Variants in UNC5D observed in about 807,000 individuals in gnomAD.
The protein encoded by UNC5D is unc-5 netrin receptor D, also known as netrin receptor UNC5D.
Under a neutral mutation model 105.4 loss-of-function variants are expected in UNC5D, and 39 were observed. That is an observed-to-expected ratio of 0.37 (90% CI 0.29 to 0.48). The LOEUF (loss-of-function observed/expected upper bound fraction) is 0.48. Among genes scored for constraint, UNC5D ranks in the 20% least tolerant of loss-of-function variants. The pLI, the probability that UNC5D is intolerant of heterozygous loss-of-function variation, is 0.98. For missense variants in UNC5D, 991 were observed against 1,202.4 expected, an observed-to-expected ratio of 0.82 and a Z score of 2.60; for synonymous variants, 452 against 450.4, an observed-to-expected ratio of 1.00 and a Z score of -0.04.
intron 4 of UNC5D, among the ~76,000 whole-genome samples, chr8:35,638,546 G>T (rs1047097407): frequency 6.6e-6 from 1 of 151,940 alleles, no homozygotes; most frequent in South Asian, 2.1e-4. Context: ...TGTAATCCTA[G>T]TGCCTTAGGA....
intron 4 of UNC5D, among the ~76,000 whole-genome samples, chr8:35,663,019 G>T (rs1275211879): frequency 3.3e-5 from 5 of 152,198 alleles, no homozygotes; most frequent in African/African-American, 4.8e-5. Context: ...AGGTAGAACA[G>T]TTTCATCCTG....
intron 3 of UNC5D, among the ~76,000 whole-genome samples, chr8:35,572,229 A>C (rs1029897815): frequency 2.3e-5 from 3 of 129,488 alleles, no homozygotes; most frequent in African/African-American, 8.6e-5. Flanking sequence ...TGGAGGTTGT[A>C]GTGAGCTGAG....
intron 4 of UNC5D, among the ~76,000 whole-genome samples, chr8:35,659,983 T>C (rs1156686291): frequency 1.3e-5 from 2 of 152,198 alleles, no homozygotes; most frequent in Non-Finnish European, 1.5e-5. Context: ...GGATATGATT[T>C]AAGGAAGAGT....
At chr8:35,318,363 CA>C (rs1211009169) in intron 1 of UNC5D, among the ~76,000 whole-genome samples, 1 of 151,194 alleles carries the variant, frequency 6.6e-6, no homozygotes, top group African/African-American at 2.4e-5. Context: ...TTGTAAGCAG[CA>C]AAAAAAAGTG....
chr8:35,732,328 G>A (rs892234092), intron 11 of UNC5D, among the ~76,000 whole-genome samples: 1 of 152,110 alleles, frequency 6.6e-6, no homozygotes, highest in Non-Finnish European at 1.5e-5. Context: ...TGGCTCTTAG[G>A]GGATTTGTGT....
chr8:35,569,007 G>T (rs1200146818), intron 3 of UNC5D, among the ~76,000 whole-genome samples: 6 of 147,366 alleles, frequency 4.1e-5, no homozygotes, highest in African/African-American at 1.5e-4. Flanking sequence ...CTTAAAACAT[G>T]GAAATGGGTT....
chr8:35,777,186 A>G lies in UNC5D; in HGVS notation c.2657+2709A>G, dbSNP rs942016025. Among the ~76,000 whole-genome samples the G allele has an allele frequency of 3.9e-5, 6 of 152,186 alleles. No homozygotes were observed. The East Asian group carries it at 1.2e-3, about 30-fold the overall frequency. ...GGAGAATTGCTTGAACCCAGGAGGC[A>G]GAGGTTGCAGTGAGCCGAGATCGCA... On this transcript the variant is annotated intron_variant, in intron 16 of 16. Coordinates refer to ENST00000404895, the MANE Select transcript of UNC5D (RefSeq NM_080872.4).
rs1039388025 is a variant in UNC5D at position 35,513,810 on chromosome 8, T to G, written c.104-35482T>G. Among the ~76,000 whole-genome samples, 9 of 152,230 alleles carry G rather than the reference T, an allele frequency of 5.9e-5. No individual in the cohort carries two copies. In the South Asian group the frequency reaches 8.3e-4, roughly 14 times the overall value. On this transcript the variant is annotated intron_variant, in intron 1 of 16. Transcript: ENST00000404895. ...AATGGGAATGATGTGTGTATAATGG[T>G]TGTTTACCCATTAAACAGGTTCTTT...
intron 4 of UNC5D, among the ~76,000 whole-genome samples, chr8:35,622,707 AT>A (rs1821433649): frequency 1.3e-5 from 2 of 152,220 alleles, no homozygotes; most frequent in South Asian, 4.1e-4. Flanking sequence ...TGTCCACAGC[AT>A]TCCATTCACG....
intron 3 of UNC5D, among the ~76,000 whole-genome samples, chr8:35,577,419 G>C (rs924215984): frequency 1.3e-5 from 2 of 152,122 alleles, no homozygotes; most frequent in Admixed American, 1.3e-4. Context: ...TCTATTTACT[G>C]CCCCTCTATT....
Position 35,511,461 on chromosome 8 carries a change from C to T in UNC5D, c.104-37831C>T, listed in dbSNP as rs368182257. Among the ~76,000 whole-genome samples the T allele has an allele frequency of 1.3e-4, 19 of 144,322 alleles. No homozygotes were observed. In the East Asian group the frequency reaches 3.0e-3, roughly 23 times the overall value. 94.7% of individuals were successfully genotyped at this position (144,322 alleles called of 152,430 possible). On this transcript the variant is annotated intron_variant, in intron 1 of 16. Coordinates refer to ENST00000404895, the MANE Select transcript of UNC5D (RefSeq NM_080872.4). Reference sequence around the variant, plus strand: ...CCAGCCTGACCAATGTAGAGAGTTCCCACCTCTAAGATTAAAAAAAAAAAA... The same window carrying T: ...CCAGCCTGACCAATGTAGAGAGTTCTCACCTCTAAGATTAAAAAAAAAAAA...
chr8:35,346,739 G>A (rs1195710551), intron 1 of UNC5D, among the ~76,000 whole-genome samples: 1 of 151,930 alleles, frequency 6.6e-6, no homozygotes, highest in Non-Finnish European at 1.5e-5. Context: ...TATTTTGACT[G>A]TAGATAGTAG....
intron 1 of UNC5D, among the ~76,000 whole-genome samples, chr8:35,337,134 A>C (rs1811104491): frequency 6.6e-6 from 1 of 152,180 alleles, no homozygotes; most frequent in African/African-American, 2.4e-5. Context: ...ACAGACTTCA[A>C]CTACTGAAAT....
chr8:35,347,944 T>G (rs1053162895), intron 1 of UNC5D, among the ~76,000 whole-genome samples: 1 of 152,006 alleles, frequency 6.6e-6, no homozygotes, highest in African/African-American at 2.4e-5. Flanking sequence ...GATTGGGAAC[T>G]AAATGCAAAG....
intron 4 of UNC5D, among the ~76,000 whole-genome samples, chr8:35,679,830 G>A (rs1194571380): frequency 6.6e-6 from 1 of 152,206 alleles, no homozygotes; most frequent in Admixed American, 6.5e-5. Flanking sequence ...AATTTTCAAG[G>A]GAAAGAAATT....
chr8:35,711,200 G>A (rs1216287049), intron 8 of UNC5D, among the ~76,000 whole-genome samples: 1 of 142,324 alleles, frequency 7.0e-6, no homozygotes, highest in Admixed American at 7.5e-5. Context: ...TTTGTTTTGA[G>A]ACCAAGTCTT....
intron 1 of UNC5D, among the ~76,000 whole-genome samples, chr8:35,347,717 G>A (rs1392502336): frequency 6.6e-6 from 1 of 151,938 alleles, no homozygotes; most frequent in Non-Finnish European, 1.5e-5. Context: ...GAGAGAAAGA[G>A]GCCAGGCCTC....
intron 1 of UNC5D, among the ~76,000 whole-genome samples, chr8:35,322,652 A>G (rs889676856): frequency 6.6e-6 from 1 of 152,162 alleles, no homozygotes; most frequent in African/African-American, 2.4e-5. Flanking sequence ...TGTACGTGAA[A>G]TTTCCTTATT....
rs1004313373 is a variant in UNC5D, at chr8:35,235,659, G to A, written c.-126G>A. 2.1e-5 allele frequency: 15 copies of A among 711,154 alleles called. No homozygotes were observed. The African/African-American group carries it at 2.2e-4, about 10-fold the overall frequency. The allele number at this position is 711,154 out of a possible 1,614,324, so 44.1% of individuals were successfully genotyped here. A position where few individuals can be genotyped will look rare whatever the true frequency, so the allele number is the denominator to read the frequency against. On this transcript the variant is annotated 5_prime_UTR_variant, in exon 1 of 17. Transcript: ENST00000404895. ...TCCCTGCCCCGCTGCTTTAGGAAGC[G>A]ATCGTGGAGCAGAGTCACTCTCTGA...
Sources: gnomAD v4.1 joint callset for allele counts (sites outside exome capture counted in the v4.1 genomes callset) on GRCh38, gnomAD v4.1.1 for gene constraint, MANE v1.5 for transcripts, NCBI Gene and HGNC (gene_info 2026-07-23, HGNC 2026-07-21) for gene names.